Variants in MTA3 observed in about 807,000 individuals in gnomAD.
MTA3 encodes metastasis associated 1 family member 3.
In MTA3, 34 loss-of-function variants were observed where a neutral mutation model predicts 83.5. The observed-to-expected ratio is 0.41, with a 90% CI of 0.31 to 0.54. The LOEUF is 0.54. Ranked by LOEUF, MTA3 falls within the 20% of genes least tolerant of loss-of-function variation. The pLI is 0.33. For missense variants in MTA3, 761 were observed against 726.4 expected, an observed-to-expected ratio of 1.05 and a Z score of -0.55; for synonymous variants, 303 against 252.7, an observed-to-expected ratio of 1.20 and a Z score of -1.89.
chr2:42,674,857 C>A (rs1691190006), intron 8 of MTA3, among the ~76,000 whole-genome samples: 1 of 151,752 alleles, frequency 6.6e-6, no homozygotes, highest in Non-Finnish European at 1.5e-5. Context: ...GCCTCGGCCT[C>A]CCAAAGTGCT....
At chr2:42,570,600 C>A in intron 2 of MTA3, 96 bp downstream of exon 2, 1 of 621,846 alleles carries the variant, frequency 1.6e-6, no homozygotes, top group Non-Finnish European at 2.5e-6. Context: ...GGGCTCATGC[C>A]TGCAATCCCA....
intron 16 of MTA3, among the ~76,000 whole-genome samples, chr2:42,738,564 T>G (rs1219043083): frequency 6.6e-6 from 1 of 152,188 alleles, no homozygotes; most frequent in Non-Finnish European, 1.5e-5. Context: ...GTACAGCATG[T>G]GTGTTTGTGC....
chr2:42,708,867 T>G lies in MTA3; in HGVS notation c.1303-7T>G, dbSNP rs770921673. ...CCTTGAGTGTTTGTTGTTTTCTGATTTTGCAGGACCCTCGTGTTAGAAGTC... is the reference window on the plus strand; with the variant it reads ...CCTTGAGTGTTTGTTGTTTTCTGATGTTGCAGGACCCTCGTGTTAGAAGTC... On this transcript the variant is annotated splice_polypyrimidine_tract_variant and splice_region_variant and intron_variant, in intron 13 of 16. Transcript: ENST00000405094. 5 of 1,613,488 alleles carry G rather than the reference T, an allele frequency of 3.1e-6. No homozygotes were observed. In the South Asian group the frequency reaches 5.5e-5, roughly 18 times the overall value.
chr2:42,524,482 T>TTTTG (rs754821858), intron 2 of MTA3, among the ~76,000 whole-genome samples: 4 of 62,478 alleles, frequency 6.4e-5, no homozygotes, highest in African/African-American at 2.6e-4. Context: ...GTTTTTTTTT[T>TTTTG]TTTTTTTTTT....
chr2:42,504,428 A>G (rs1674538247), intron 2 of MTA3, among the ~76,000 whole-genome samples: 2 of 151,884 alleles, frequency 1.3e-5, no homozygotes, highest in South Asian at 4.1e-4. Context: ...TTTAGTAGAG[A>G]TGGCGTTTCG....
intron 16 of MTA3, among the ~76,000 whole-genome samples, chr2:42,735,782 T>C (rs1218597273): frequency 2.0e-5 from 3 of 152,230 alleles, no homozygotes; most frequent in Non-Finnish European, 4.4e-5. Flanking sequence ...AATTGCATTT[T>C]TCGCTCCAGA....
intron 2 of MTA3, among the ~76,000 whole-genome samples, chr2:42,552,364 G>C (rs979001580): frequency 6.6e-6 from 1 of 152,164 alleles, no homozygotes; most frequent in South Asian, 2.1e-4. Context: ...AATAATACAA[G>C]TGAATCTGAG....
chr2:42,754,669 C>G lies in MTA3; in HGVS notation c.*1270C>G. On this transcript the variant is annotated 3_prime_UTR_variant, in exon 17 of 17. Transcript: ENST00000405094. ...CAGTCCCAAGAAAGACAACTGGAGT[C>G]TGATCTCCCAGCCATCTCTGGGGTT... 1.0e-6 allele frequency: 1 copy of G among 985,496 alleles called. No individual in the cohort carries two copies. The highest frequency in any genetic ancestry group is 1.2e-6 in the Non-Finnish European group (1 of 829,966). 61.0% of individuals were successfully genotyped at this position (985,496 alleles called of 1,614,324 possible).
At chr2:42,616,484 C>T (rs780815174) in intron 4 of MTA3, among the ~76,000 whole-genome samples, 6 of 149,344 alleles carry the variant, frequency 4.0e-5, no homozygotes, top group Non-Finnish European at 8.9e-5. Context: ...AGGATTTGAA[C>T]CTTGTATGGG....
At chr2:42,605,159 G>T in intron 3 of MTA3, among the ~76,000 whole-genome samples, 1 of 148,798 alleles carries the variant, frequency 6.7e-6, no homozygotes, top group African/African-American at 2.5e-5. Flanking sequence ...AGTAGGGGCG[G>T]CCGGGCAGAG....
intron 16 of MTA3, among the ~76,000 whole-genome samples, chr2:42,725,053 C>G (rs1573769310): frequency 6.6e-6 from 1 of 152,352 alleles, no homozygotes; most frequent in African/African-American, 2.4e-5. Context: ...TGTGTTTGCT[C>G]TGCTGTCATG....
chr2:42,707,167 A>C lies in MTA3; in HGVS notation c.1151-736A>C, dbSNP rs80274231. On this transcript the variant is annotated intron_variant, in intron 12 of 16. Transcript: ENST00000405094. The stretch of plus-strand genomic sequence containing the variant: ...TTTTTATTAGATTCCTGACTTTATC[A>C]ATGAGACCTCCCTGAGTACCTTAAA... Among the ~76,000 whole-genome samples, 555 of 152,120 alleles carry C rather than the reference A, an allele frequency of 3.6e-3. 2 individuals carry two copies. Among genetic ancestry groups the C allele is most frequent in the African/African-American group, 0.013 (525 of 41,508 alleles).
intron 3 of MTA3, among the ~76,000 whole-genome samples, chr2:42,579,429 A>AT (rs1553348074): frequency 0.11 from 14,908 of 140,058 alleles, 879 homozygotes; most frequent in Middle Eastern, 0.17. Flanking sequence ...ATATATATAT[A>AT]TTTTTTTTTT....
chr2:42,572,517 G>T (rs367962003), intron 2 of MTA3, among the ~76,000 whole-genome samples: 1 of 151,996 alleles, frequency 6.6e-6, no homozygotes, highest in African/African-American at 2.4e-5. Flanking sequence ...CAAGGCTGCC[G>T]TGAGCTGTGA....
chr2:42,661,764 A>G (rs1689739327), intron 8 of MTA3, among the ~76,000 whole-genome samples: 1 of 152,192 alleles, frequency 6.6e-6, no homozygotes. Context: ...TAATAATAGC[A>G]AATTACAGAA....
intron 16 of MTA3, among the ~76,000 whole-genome samples, chr2:42,733,484 A>G (rs1418630262): frequency 2.0e-5 from 3 of 152,228 alleles, no homozygotes; most frequent in Non-Finnish European, 4.4e-5. Context: ...GCCAAACCAT[A>G]TCAAGGCTCT....
At chr2:42,677,336 A>ATT (rs1227263506) in intron 8 of MTA3, among the ~76,000 whole-genome samples, 1 of 149,038 alleles carries the variant, frequency 6.7e-6, no homozygotes, top group African/African-American at 2.5e-5. Flanking sequence ...GATCTGATTT[A>ATT]TTTTTTTTTT....
intron 4 of MTA3, among the ~76,000 whole-genome samples, chr2:42,625,302 G>T (rs928408958): frequency 1.3e-5 from 2 of 151,404 alleles, no homozygotes; most frequent in African/African-American, 4.9e-5. Flanking sequence ...AAAGTGTTGG[G>T]ATTACAGGCG....
chr2:42,715,271 A>C (rs1178951812), intron 14 of MTA3, among the ~76,000 whole-genome samples: 1 of 152,036 alleles, frequency 6.6e-6, no homozygotes, highest in Non-Finnish European at 1.5e-5. Context: ...ACCTATGGCT[A>C]TTTCCTCAGG....
Sources: gnomAD v4.1 joint callset for allele counts (sites outside exome capture counted in the v4.1 genomes callset) on GRCh38, gnomAD v4.1.1 for gene constraint, MANE v1.5 for transcripts, NCBI Gene and HGNC (gene_info 2026-07-23, HGNC 2026-07-21) for gene names.